NT5DC1: variants seen among roughly 807,000 people sequenced by gnomAD.
NT5DC1 encodes the protein 5'-nucleotidase domain-containing protein 1.
In NT5DC1, 42 loss-of-function variants were observed where a neutral mutation model predicts 59.4. That is an observed-to-expected ratio of 0.71 (90% CI 0.55 to 0.92). The LOEUF (loss-of-function observed/expected upper bound fraction) is 0.92, where lower values mean the gene tolerates loss of function less well. Among genes scored for constraint, NT5DC1 ranks in the 40% least tolerant of loss-of-function variants. The pLI, the probability that NT5DC1 is intolerant of heterozygous loss-of-function variation, is 0.00. For missense variants in NT5DC1, 501 were observed against 537.1 expected, an observed-to-expected ratio of 0.93 and a Z score of 0.66; for synonymous variants, 172 against 188.1, an observed-to-expected ratio of 0.91 and a Z score of 0.70.
At chr6:116,207,018 GTC>G (rs139928186) in intron 6 of NT5DC1, among the ~76,000 whole-genome samples, 6,167 of 151,938 alleles carry the variant, frequency 0.041, 417 homozygotes, top group African/African-American at 0.14. Context: ...AAAATAAATA[GTC>G]TGATCACTTA....
At chr6:116,137,614 G>A (rs1478634703) in intron 6 of NT5DC1, 4 of 212,790 alleles carry the variant, frequency 1.9e-5, no homozygotes, top group Non-Finnish European at 4.0e-5. Context: ...CCGTGCCTCA[G>A]TAGTGGGAAA....
intron 6 of NT5DC1, among the ~76,000 whole-genome samples, chr6:116,182,330 A>G (rs1176559020): frequency 6.6e-6 from 1 of 151,620 alleles, no homozygotes; most frequent in East Asian, 1.9e-4. Context: ...GCAGTTGCAA[A>G]TTGTGCTGCT....
chr6:116,242,881 A>T (rs964892580), intron 11 of NT5DC1, among the ~76,000 whole-genome samples: 4 of 152,202 alleles, frequency 2.6e-5, no homozygotes, highest in Admixed American at 2.0e-4. Flanking sequence ...GCCCTGCAAG[A>T]CTGTCAAAAT....
chr6:116,236,729 G>A (rs1782119940), intron 8 of NT5DC1, among the ~76,000 whole-genome samples: 1 of 152,156 alleles, frequency 6.6e-6, no homozygotes, highest in South Asian at 2.1e-4. Flanking sequence ...TACCAGCATT[G>A]AGATCCTGGG....
At chr6:116,135,870 TATAC>T (rs1469035860) in intron 6 of NT5DC1, among the ~76,000 whole-genome samples, 6,451 of 119,146 alleles carry the variant, frequency 0.054, 489 homozygotes, top group African/African-American at 0.19. Context: ...TATATATATA[TATAC>T]ACACATACAC....
intron 6 of NT5DC1, among the ~76,000 whole-genome samples, chr6:116,183,927 C>T (rs1211106872): frequency 6.6e-6 from 1 of 151,970 alleles, no homozygotes. Flanking sequence ...CTAGGACTTC[C>T]AGTATTATGT....
At chr6:116,144,982 A>G (rs970401764) in intron 6 of NT5DC1, among the ~76,000 whole-genome samples, 10 of 152,214 alleles carry the variant, frequency 6.6e-5, no homozygotes, top group African/African-American at 2.4e-4. Flanking sequence ...CTGAGGGAAA[A>G]GGGTTCAATT....
intron 6 of NT5DC1, among the ~76,000 whole-genome samples, chr6:116,126,518 T>G (rs1047018517): frequency 3.9e-5 from 6 of 152,190 alleles, no homozygotes; most frequent in African/African-American, 1.2e-4. Context: ...TAAAATTCCT[T>G]GAAGGGGGTA....
At chr6:116,106,888 A>G (rs971913719) in intron 2 of NT5DC1, among the ~76,000 whole-genome samples, 35 of 152,112 alleles carry the variant, frequency 2.3e-4, no homozygotes, top group African/African-American at 8.4e-4. Flanking sequence ...GCCACTTTAA[A>G]TTGTTCAGTT....
intron 6 of NT5DC1, among the ~76,000 whole-genome samples, chr6:116,161,398 A>G (rs1214063294): frequency 6.6e-6 from 1 of 151,982 alleles, no homozygotes; most frequent in Non-Finnish European, 1.5e-5. Flanking sequence ...TAAAAATAAA[A>G]TTATATAAAG....
intron 6 of NT5DC1, among the ~76,000 whole-genome samples, chr6:116,163,141 A>ATATATATAT (rs1554197064): frequency 2.6e-4 from 23 of 88,398 alleles, no homozygotes; most frequent in African/African-American, 1.3e-3. Context: ...AAAAAAAAAA[A>ATATATATAT]ATATATATAT....
intron 1 of NT5DC1, among the ~76,000 whole-genome samples, chr6:116,102,942 C>A (rs1367022760): frequency 6.6e-6 from 1 of 152,252 alleles, no homozygotes; most frequent in African/African-American, 2.4e-5. Flanking sequence ...TTCATCCCAT[C>A]AGGCCTCATC....
chr6:116,199,466 A>G (rs1471517851), intron 6 of NT5DC1, among the ~76,000 whole-genome samples: 1 of 152,072 alleles, frequency 6.6e-6, no homozygotes, highest in Non-Finnish European at 1.5e-5. Context: ...TCTGTCATCA[A>G]TGTTGTGGAA....
intron 6 of NT5DC1, chr6:116,145,529 G>A (rs909936714): frequency 1.3e-5 from 4 of 311,762 alleles, no homozygotes; most frequent in Admixed American, 5.8e-5. Context: ...TATTTCATTA[G>A]AACTCCTGTC....
At chr6:116,160,214 T>G (rs1780295967) in intron 6 of NT5DC1, among the ~76,000 whole-genome samples, 1 of 152,222 alleles carries the variant, frequency 6.6e-6, no homozygotes, top group East Asian at 1.9e-4. Context: ...AGTGTTTAAC[T>G]AATTTACATT....
At chr6:116,116,457 T>G (rs1778965743) in intron 5 of NT5DC1, among the ~76,000 whole-genome samples, 1 of 152,064 alleles carries the variant, frequency 6.6e-6, no homozygotes, top group Non-Finnish European at 1.5e-5. Flanking sequence ...GCCTGGCCAA[T>G]ATGGTGAAAC....
At chr6:116,206,241 C>A (rs1781446813) in intron 6 of NT5DC1, among the ~76,000 whole-genome samples, 1 of 151,888 alleles carries the variant, frequency 6.6e-6, no homozygotes, top group Non-Finnish European at 1.5e-5. Context: ...TGTACTTAGG[C>A]CAGAGGAACT....
intron 6 of NT5DC1, among the ~76,000 whole-genome samples, chr6:116,203,713 A>T (rs569329970): frequency 6.6e-6 from 1 of 151,874 alleles, no homozygotes; most frequent in Non-Finnish European, 1.5e-5. Context: ...GCCTATTTAC[A>T]TGTTACCCTT....
chr6:116,164,179 C>T (rs1780412201), intron 6 of NT5DC1, among the ~76,000 whole-genome samples: 1 of 152,176 alleles, frequency 6.6e-6, no homozygotes, highest in African/African-American at 2.4e-5. Context: ...GGTGTTTTCT[C>T]TGGGATGTCG....
Sources: allele counts gnomAD v4.1 joint callset (sites outside exome capture counted in the v4.1 genomes callset), GRCh38; gene constraint gnomAD v4.1.1; transcripts MANE v1.5; gene names NCBI Gene and HGNC (gene_info 2026-07-23, HGNC 2026-07-21).